The following TUBA3E variants were observed in gnomAD, a reference collection of about 807,000 sequenced individuals.
TUBA3E encodes the protein tubulin alpha-3E chain.
Under a neutral mutation model 36.7 loss-of-function variants are expected in TUBA3E, and 21 were observed. The ratio of observed to expected loss-of-function variants is 0.57; its 90% CI spans 0.41 to 0.83. The LOEUF (loss-of-function observed/expected upper bound fraction) is 0.83, where lower values mean the gene tolerates loss of function less well. TUBA3E is among the 40% of genes least tolerant of loss of function. The pLI, the probability that TUBA3E is intolerant of heterozygous loss-of-function variation, is 0.00. For missense variants in TUBA3E, 469 were observed against 604.2 expected (o/e 0.78, Z 2.35); for synonymous variants, 177 against 241.9 (o/e 0.73, Z 2.49).
intron 4 of TUBA3E, among the ~76,000 whole-genome samples, chr2:130,193,575 C>T (rs1158272864): frequency 4.1e-5 from 6 of 146,434 alleles, no homozygotes; most frequent in Admixed American, 3.5e-4. Context: ...CACCACTGCA[C>T]TCCAGCCTGG....
intron 2 of TUBA3E, 128 bp downstream of exon 2, chr2:130,196,021 C>G (rs1690393671): frequency 7.2e-7 from 1 of 1,383,294 alleles, no homozygotes; most frequent in Non-Finnish European, 9.6e-7. Flanking sequence ...TCTCTCCTAA[C>G]AATGCCATGG....
In TUBA3E at chr2:130,191,939, C is replaced by T. The variant is rs757453340; in HGVS notation, c.1245G>A (p.Glu415=). Residue 415 remains glutamate, a synonymous_variant, in exon 5 of 5, where the codon GAG becomes GAA. Coordinates refer to ENST00000312988, the MANE Select transcript of TUBA3E (RefSeq NM_207312.3). ...CCTCGCGGGCCTCAGAGAACTCTCCCTCTTCCATGCCTTCGCCCACGTACC... is the reference window on the plus strand; with the variant it reads ...CCTCGCGGGCCTCAGAGAACTCTCCTTCTTCCATGCCTTCGCCCACGTACC... ...VHWYVGEGME[E]GEFSEAREDL... The T allele has an allele frequency of 6.8e-6, 11 of 1,613,944 alleles. No individual in the cohort carries two copies. The highest frequency in any genetic ancestry group is 1.3e-5 in the African/African-American group (1 of 74,894).
rs541151506 is a variant in TUBA3E, at chr2:130,196,380, C to G, written c.4-9G>C. On this transcript the variant is annotated splice_polypyrimidine_tract_variant and intron_variant, in intron 1 of 4. Coordinates refer to ENST00000312988, the MANE Select transcript of TUBA3E (RefSeq NM_207312.3). ...ATAGAGATACACTCGCGCTGTGAACCGGAACATAAATGTGAACCCATTCAT... is the reference window on the plus strand; with the variant it reads ...ATAGAGATACACTCGCGCTGTGAACGGGAACATAAATGTGAACCCATTCAT... 1.2e-6 allele frequency: 2 copies of G among 1,610,846 alleles called. No individual in the cohort carries two copies. The highest frequency in any genetic ancestry group is 1.1e-5 in the South Asian group (1 of 90,960).
chr2:130,193,883 C>T lies in TUBA3E; in HGVS notation c.959G>A (p.Arg320Lys). The T allele has an allele frequency of 6.2e-7, 1 of 1,614,252 alleles. No homozygotes were observed. The highest frequency in any genetic ancestry group is 8.5e-7 in the Non-Finnish European group (1 of 1,180,044). ...GKYMACCMLY[R>K]GDVVPKDVNA... The stretch of plus-strand genomic sequence containing the variant: ...GACGTCTTTGGGGACCACGTCCCCC[C>T]TGTACAACATGCAGCAGGCCATGTA... The change falls in exon 4 of 5, where the codon AGG becomes AAG. Residue 320 changes from arginine (R) to lysine (K), a missense_variant. Transcript: ENST00000312988.
intron 1 of TUBA3E, among the ~76,000 whole-genome samples, chr2:130,197,497 A>C (rs1690438737): frequency 8.3e-6 from 1 of 119,916 alleles, no homozygotes; most frequent in Non-Finnish European, 1.8e-5. Context: ...TGTCTCAAAA[A>C]AAAAAAAAAA....
chr2:130,196,381 G>GGAACATAAATGTGAACCC lies in TUBA3E; in HGVS notation c.4-28_4-11dup. The GGAACATAAATGTGAACCC allele has an allele frequency of 6.2e-7, 1 of 1,610,334 alleles. No homozygotes were observed. The highest frequency in any genetic ancestry group is 8.5e-7 in the Non-Finnish European group (1 of 1,176,876). ...TAGAGATACACTCGCGCTGTGAACC[G>GGAACATAAATGTGAACCC]GAACATAAATGTGAACCCATTCATT... On this transcript the variant is annotated splice_polypyrimidine_tract_variant and intron_variant, in intron 1 of 4. Transcript: ENST00000312988.
chr2:130,192,828 G>A (rs546608755), intron 4 of TUBA3E, among the ~76,000 whole-genome samples: 18 of 152,330 alleles, frequency 1.2e-4, no homozygotes, highest in Middle Eastern at 3.4e-3. Flanking sequence ...AGGTGTGGTG[G>A]CTCAAGCCTG....
Position 130,196,369 on chromosome 2 carries a change from G to A in TUBA3E, c.6C>T (p.Arg2=), listed in dbSNP as rs369827309. 21 of 1,611,982 alleles carry A rather than the reference G, an allele frequency of 1.3e-5. No homozygotes were observed. In the East Asian group the frequency reaches 4.0e-4, roughly 31 times the overall value. M[R]ECISIHVGQA... is the part of the protein sequence containing the mutation. Reference sequence around the variant, plus strand: ...GCCCCACGTGGATAGAGATACACTCGCGCTGTGAACCGGAACATAAATGTG... The same window carrying A: ...GCCCCACGTGGATAGAGATACACTCACGCTGTGAACCGGAACATAAATGTG... The change falls in exon 2 of 5, where the codon CGC becomes CGT. Residue 2 remains arginine, a splice_region_variant and synonymous_variant. Coordinates refer to ENST00000312988, the MANE Select transcript of TUBA3E (RefSeq NM_207312.3).
At chr2:130,193,682 C>T (rs1369039317) in intron 4 of TUBA3E, 104 bp downstream of exon 4, 1 of 1,431,178 alleles carries the variant, frequency 7.0e-7, no homozygotes, top group African/African-American at 1.4e-5. Context: ...CATGCCTAGC[C>T]CATGGAACAG....
intron 1 of TUBA3E, among the ~76,000 whole-genome samples, chr2:130,197,610 T>C (rs1292520625): frequency 6.3e-5 from 8 of 127,882 alleles, no homozygotes; most frequent in African/African-American, 2.1e-4. Flanking sequence ...AATGGGCTGC[T>C]TTTTTTGTTT....
chr2:130,197,986 GCCCCAAC>G (rs1040765801), intron 1 of TUBA3E, among the ~76,000 whole-genome samples: 6 of 123,370 alleles, frequency 4.9e-5, no homozygotes, highest in African/African-American at 1.7e-4. Context: ...AATGTCCACA[GCCCCAAC>G]CCCCGTCACC....
At chr2:130,196,083 C>T (rs1365144554) in intron 2 of TUBA3E, 66 bp downstream of exon 2, 2 of 1,424,224 alleles carry the variant, frequency 1.4e-6, no homozygotes, top group Non-Finnish European at 1.9e-6. Context: ...AAGGAGCCCA[C>T]ACGGGGCTTT....
At chr2:130,193,406 C>T (rs1220302618) in intron 4 of TUBA3E, among the ~76,000 whole-genome samples, 1 of 151,578 alleles carries the variant, frequency 6.6e-6, no homozygotes, top group Non-Finnish European at 1.5e-5. Context: ...GTCAGGAGTT[C>T]AAGACCAACC....
chr2:130,196,397 C>T (rs777280670), intron 1 of TUBA3E, 26 bp from the exon 2 acceptor site: 8 of 1,602,602 alleles, frequency 5.0e-6, no homozygotes, highest in African/African-American at 1.3e-5. Flanking sequence ...TAAATGTGAA[C>T]CCATTCATTT....
Position 130,193,958 on chromosome 2 carries a change from C to G in TUBA3E, c.884G>C (p.Cys295Ser). ...QLSVAEITNA[C>S]FEPANQMVKC... ...GACCATCTGATTGGCTGGCTCGAAG[C>G]AGGCATTGGTGATCTCGGCCACAGA... The change falls in exon 4 of 5, where the codon TGC becomes TCC. Residue 295 changes from cysteine to serine, a missense_variant. Physicochemically the swap from Cys to Ser is moderately radical, Grantham distance 112. This residue lies in a region of TUBA3E where 296 missense variants were observed against 346.9 expected (regional missense o/e 0.85). Transcript: ENST00000312988. 6.2e-7 allele frequency: 1 copy of G among 1,614,224 alleles called. No individual in the cohort carries two copies. The highest frequency in any genetic ancestry group is 2.2e-5 in the East Asian group (1 of 44,878).
intron 2 of TUBA3E, among the ~76,000 whole-genome samples, chr2:130,195,798 C>A (rs2443646): frequency 2.0e-5 from 3 of 152,230 alleles, no homozygotes; most frequent in South Asian, 2.1e-4. Context: ...TCAAGACTCT[C>A]GTGCACCAGC....
Position 130,195,842 on chromosome 2 carries a change from A to G in TUBA3E, c.226+307T>C, listed in dbSNP as rs536215249. On this transcript the variant is annotated intron_variant, in intron 2 of 4. Transcript: ENST00000312988. ...ATGCACAGCATTCGGGAGGGAACCA[A>G]TGCCACTGCACCCTGCAGGCAGGGC... 1.8e-3 allele frequency among the ~76,000 whole-genome samples: 280 copies of G among 152,372 alleles called. 2 individuals carry two copies. The highest frequency in any genetic ancestry group is 2.6e-3 in the Non-Finnish European group (174 of 68,040).
chr2:130,195,756 T>C (rs974017478), intron 2 of TUBA3E, among the ~76,000 whole-genome samples: 3 of 152,218 alleles, frequency 2.0e-5, no homozygotes, highest in African/African-American at 7.2e-5. Context: ...AAATGACTGT[T>C]CTGTACTTAC....
At chr2:130,195,311 A>G (rs1447248203) in intron 2 of TUBA3E, 84 bp from the exon 3 acceptor site, 2 of 1,540,936 alleles carry the variant, frequency 1.3e-6, no homozygotes, top group Non-Finnish European at 1.8e-6. Flanking sequence ...TCACTTCTAC[A>G]GAGCACATGC....
Sources: gnomAD v4.1 joint callset for allele counts (sites outside exome capture counted in the v4.1 genomes callset) on GRCh38, gnomAD v4.1.1 for gene constraint, gnomAD v4.1.1 regional missense constraint, MANE v1.5 for transcripts, NCBI Gene and HGNC (gene_info 2026-07-23, HGNC 2026-07-21) for gene names.